Variants in RBFOX1 observed in about 807,000 individuals in gnomAD.
RBFOX1 encodes the protein RNA binding fox-1 homolog 1, also known as RNA binding protein fox-1 homolog 1.
In RBFOX1, 8 loss-of-function variants were observed where a neutral mutation model predicts 57.7. The ratio of observed to expected loss-of-function variants is 0.14; its 90% CI spans 0.08 to 0.25. The LOEUF (loss-of-function observed/expected upper bound fraction) is 0.25, where lower values mean the gene tolerates loss of function less well. Among genes scored for constraint, RBFOX1 ranks in the 10% least tolerant of loss-of-function variants. The pLI is 1.00. For missense variants in RBFOX1, 611 were observed against 548.5 expected, an observed-to-expected ratio of 1.11 and a Z score of -1.14; for synonymous variants, 326 against 222.4, an observed-to-expected ratio of 1.47 and a Z score of -4.15.
chr16:5,591,655 G>T (rs1209954583), intron 2 of RBFOX1, among the ~76,000 whole-genome samples: 3 of 152,178 alleles, frequency 2.0e-5, no homozygotes, highest in Non-Finnish European at 2.9e-5. Context: ...CAGATGTGGA[G>T]TACTATACAT....
At chr16:6,191,909 C>T (rs2152810735) in intron 1 of RBFOX1, among the ~76,000 whole-genome samples, 1 of 152,208 alleles carries the variant, frequency 6.6e-6, no homozygotes, top group Admixed American at 6.5e-5. Context: ...TATGTCACTG[C>T]TAAGCTGACA....
In RBFOX1 at chr16:7,091,069, G is replaced by T. The variant is rs1201775852; in HGVS notation, c.27+38971G>T. On this transcript the variant is annotated intron_variant, in intron 4 of 15. Transcript: ENST00000550418. ...CTGCCACTCAAGTCTTGGACCAAAT[G>T]GTCCCCGCTTAAACTCTACTACAAT... 2.0e-5 allele frequency among the ~76,000 whole-genome samples: 3 copies of T among 152,244 alleles called. No individual in the cohort carries two copies. The East Asian group carries it at 5.8e-4, about 29-fold the overall frequency.
chr16:6,682,379 G>A (rs1042382723), intron 3 of RBFOX1, among the ~76,000 whole-genome samples: 2 of 151,952 alleles, frequency 1.3e-5, no homozygotes, highest in African/African-American at 4.8e-5. Flanking sequence ...CTTCGAAGCC[G>A]ATTGCCCCTT....
chr16:6,164,422 T>C (rs979859796), intron 1 of RBFOX1, among the ~76,000 whole-genome samples: 3 of 151,966 alleles, frequency 2.0e-5, no homozygotes, highest in Admixed American at 6.6e-5. Context: ...TATATATTAG[T>C]TAGAAGTGAT....
At chr16:5,536,160 A>G (rs886687342) in intron 2 of RBFOX1, among the ~76,000 whole-genome samples, 2 of 123,632 alleles carry the variant, frequency 1.6e-5, no homozygotes, top group South Asian at 5.1e-4. Flanking sequence ...CTCTCCTCTC[A>G]TATTTTTCTT....
At chr16:7,273,562 C>T (rs1023706523) in intron 4 of RBFOX1, among the ~76,000 whole-genome samples, 1 of 152,014 alleles carries the variant, frequency 6.6e-6, no homozygotes, top group Non-Finnish European at 1.5e-5. Context: ...CCTCTTTGTG[C>T]CTTCATTTTT....
chr16:6,157,914 A>T (rs1003374175), intron 1 of RBFOX1, among the ~76,000 whole-genome samples: 1 of 152,188 alleles, frequency 6.6e-6, no homozygotes, highest in African/African-American at 2.4e-5. Context: ...CCAAGATTAG[A>T]TCCTATTGGA....
chr16:7,392,556 ATATT>A (rs1234365832), intron 4 of RBFOX1, among the ~76,000 whole-genome samples: 2 of 152,136 alleles, frequency 1.3e-5, no homozygotes, highest in Non-Finnish European at 2.9e-5. Context: ...AGGCATGTTC[ATATT>A]TATTTACCTC....
At chr16:6,307,740 C>G (rs189541389) in intron 1 of RBFOX1, among the ~76,000 whole-genome samples, 1 of 143,838 alleles carries the variant, frequency 7.0e-6, no homozygotes, top group African/African-American at 2.5e-5. Flanking sequence ...TAATTATTTC[C>G]ATATTTTATA....
intron 4 of RBFOX1, among the ~76,000 whole-genome samples, chr16:7,434,595 T>G (rs1598351471): frequency 1.3e-5 from 2 of 152,134 alleles, no homozygotes. Context: ...ACTGCATCCT[T>G]TAGAAGCCCT....
chr16:5,754,150 A>G (rs1341597440), intron 3 of RBFOX1, among the ~76,000 whole-genome samples: 2 of 152,188 alleles, frequency 1.3e-5, no homozygotes, highest in African/African-American at 2.4e-5. Context: ...GAGTTGGCAT[A>G]ATACATTTGT....
intron 4 of RBFOX1, among the ~76,000 whole-genome samples, chr16:7,147,294 C>G (rs571571179): frequency 3.0e-4 from 45 of 151,710 alleles, no homozygotes; most frequent in Non-Finnish European, 5.3e-4. Context: ...CATGAGCCAC[C>G]ACACCTGGCC....
At chr16:6,355,154 C>T (rs2087059574) in intron 2 of RBFOX1, among the ~76,000 whole-genome samples, 1 of 152,208 alleles carries the variant, frequency 6.6e-6, no homozygotes, top group African/African-American at 2.4e-5. Flanking sequence ...TATTAGTATA[C>T]TTTAAGTTCT....
At chr16:7,367,799 A>G (rs759278897) in intron 4 of RBFOX1, among the ~76,000 whole-genome samples, 3 of 152,086 alleles carry the variant, frequency 2.0e-5, no homozygotes, top group African/African-American at 7.2e-5. Flanking sequence ...AAGAAGGTAA[A>G]AATCCAGATT....
chr16:5,743,329 C>T (rs920187074), intron 3 of RBFOX1, among the ~76,000 whole-genome samples: 3 of 152,120 alleles, frequency 2.0e-5, no homozygotes, highest in African/African-American at 7.2e-5. Flanking sequence ...GGGCTGAAAT[C>T]AAATGTCATT....
intron 3 of RBFOX1, among the ~76,000 whole-genome samples, chr16:6,972,270 CT>C (rs1204250259): frequency 6.6e-6 from 1 of 152,056 alleles, no homozygotes. Context: ...TCCCCAGCCC[CT>C]GGTAACTGTC....
At chr16:6,447,800 C>A (rs1177922956) in intron 2 of RBFOX1, among the ~76,000 whole-genome samples, 1 of 152,168 alleles carries the variant, frequency 6.6e-6, no homozygotes, top group African/African-American at 2.4e-5. Flanking sequence ...TTTTATTCAT[C>A]ATTCCCAAAG....
At chr16:7,143,243 TAGAG>T (rs140739295) in intron 4 of RBFOX1, among the ~76,000 whole-genome samples, 23 of 151,326 alleles carry the variant, frequency 1.5e-4, no homozygotes, top group Admixed American at 5.3e-4. Flanking sequence ...CAGGGAAAAT[TAGAG>T]AGAGAGAGAG....
chr16:6,008,734 A>C (rs1596394130), intron 4 of RBFOX1, among the ~76,000 whole-genome samples: 1 of 152,198 alleles, frequency 6.6e-6, no homozygotes, highest in East Asian at 1.9e-4. Context: ...GGCACAAAGA[A>C]GTGTGTTCAG....
Sources: allele counts gnomAD v4.1 joint callset (sites outside exome capture counted in the v4.1 genomes callset), GRCh38; gene constraint gnomAD v4.1.1; transcripts MANE v1.5; gene names NCBI Gene and HGNC (gene_info 2026-07-23, HGNC 2026-07-21).